The following ALMS1 variants were observed in gnomAD, a reference collection of about 807,000 sequenced individuals.
The protein encoded by ALMS1 is centrosome-associated protein ALMS1.
A neutral mutation model predicts 352.2 loss-of-function variants in ALMS1; 271 were observed. That is an observed-to-expected ratio of 0.77 (90% CI 0.70 to 0.85). The LOEUF is 0.85. ALMS1 is among the 40% of genes least tolerant of loss of function. The pLI is 0.00. For missense variants in ALMS1, 5,445 were observed against 4,870.7 expected (o/e 1.12, Z -3.51); for synonymous variants, 1,865 against 1,761.2 (o/e 1.06, Z -1.48).
chr2:73,542,072 GA>G (rs945244998), intron 12 of ALMS1, among the ~76,000 whole-genome samples: 17 of 152,054 alleles, frequency 1.1e-4, no homozygotes, highest in African/African-American at 4.1e-4. Context: ...CCAAAAAACA[GA>G]ATTTTAGACC....
intron 7 of ALMS1, among the ~76,000 whole-genome samples, chr2:73,435,028 A>C (rs1671580051): frequency 1.3e-5 from 2 of 152,092 alleles, no homozygotes; most frequent in East Asian, 1.9e-4. Context: ...TTTTGTTTTA[A>C]AGTCTGTTTT....
intron 9 of ALMS1, among the ~76,000 whole-genome samples, chr2:73,466,414 C>A (rs1046272587): frequency 7.0e-6 from 1 of 142,838 alleles, no homozygotes; most frequent in African/African-American, 2.6e-5. Context: ...TGTTCTCACT[C>A]ATAGGTGGGA....
intron 9 of ALMS1, among the ~76,000 whole-genome samples, chr2:73,484,252 C>G (rs1036637504): frequency 5.9e-5 from 9 of 151,578 alleles, no homozygotes; most frequent in Admixed American, 3.3e-4. Context: ...TTCAGGAGCT[C>G]TTTTAGGGCA....
chr2:73,456,875 T>C (rs1426277109), intron 9 of ALMS1: 1 of 152,218 alleles, frequency 6.6e-6, no homozygotes, highest in Non-Finnish European at 1.5e-5. Context: ...TGTTTCCCTA[T>C]TTTTAAAAAT....
Position 73,599,474 on chromosome 2 carries a change from T to C in ALMS1, c.11621T>C (p.Phe3874Ser), listed in dbSNP as rs764867644. Reference protein sequence around the residue: ...ASSFLSSNSTFCNKQNVHMLN... With the variant: ...ASSFLSSNSTSCNKQNVHMLN... ...AGTTTCCTGAGCTCAAACTCTACTT[T>C]TTGCAACAAGCAGAATGTACACATG... Residue 3874 changes from phenylalanine to serine, a missense_variant, in exon 17 of 23, where the codon TTT becomes TCT. By Grantham distance (155) the Phe-to-Ser change is radical. Coordinates refer to ENST00000613296, the MANE Select transcript of ALMS1 (RefSeq NM_001378454.1). 5 of 1,613,576 alleles carry C rather than the reference T, an allele frequency of 3.1e-6. No individual in the cohort carries two copies. The highest frequency in any genetic ancestry group is 2.5e-6 in the Non-Finnish European group (3 of 1,179,748).
chr2:73,563,279 G>A (rs1357589146), intron 15 of ALMS1, among the ~76,000 whole-genome samples: 1 of 152,068 alleles, frequency 6.6e-6, no homozygotes, highest in Non-Finnish European at 1.5e-5. Context: ...AGTTTTGCAG[G>A]AATTGAAGAG....
chr2:73,573,766 T>TC (rs1558700188), intron 16 of ALMS1, among the ~76,000 whole-genome samples: 1 of 146,824 alleles, frequency 6.8e-6, no homozygotes, highest in East Asian at 2.0e-4. Flanking sequence ...TTTTTTTTTT[T>TC]AATTCATTCC....
chr2:73,492,370 C>G (rs1673008759), intron 10 of ALMS1, among the ~76,000 whole-genome samples: 1 of 152,196 alleles, frequency 6.6e-6, no homozygotes, highest in African/African-American at 2.4e-5. Flanking sequence ...TAGTTCTCAT[C>G]ATGATCCTAT....
Position 73,449,984 on chromosome 2 carries a change from A to C in ALMS1, c.3457A>C (p.Ile1153Leu). The C allele has an allele frequency of 6.2e-7, 1 of 1,613,950 alleles. No homozygotes were observed. The highest frequency in any genetic ancestry group is 8.5e-7 in the Non-Finnish European group (1 of 1,179,942). Reference sequence around the variant, plus strand: ...CTCACAACATAGAGAAAAGCCCAGCATTTTCCACCAGCAGGCCTTGCCAGG... The same window carrying C: ...CTCACAACATAGAGAAAAGCCCAGCCTTTTCCACCAGCAGGCCTTGCCAGG... ...SYSQHREKPS[I>L]FHQQALPGTH... The change falls in exon 8 of 23, where the codon ATT becomes CTT. Residue 1153 changes from isoleucine to leucine, a missense_variant. Ile to Leu is a conservative substitution (Grantham distance 5). Transcript: ENST00000613296.
At chr2:73,420,406 A>G (rs1229280443) in intron 3 of ALMS1, among the ~76,000 whole-genome samples, 2 of 152,180 alleles carry the variant, frequency 1.3e-5, no homozygotes, top group Non-Finnish European at 2.9e-5. Context: ...TTTTTAAAGG[A>G]TTGTAAAAAC....
Position 73,448,386 on chromosome 2 carries a change from C to A in ALMS1, c.1859C>A (p.Thr620Asn), listed in dbSNP as rs1447523847. ...QTTGMSTLTS[T>N]SYSHREKPGT... Reference sequence around the variant, plus strand: ...ACTGGCATGTCAACTCTAACCTCTACTTCCTACTCACATAGAGAGAAGCCT... The same window carrying A: ...ACTGGCATGTCAACTCTAACCTCTAATTCCTACTCACATAGAGAGAAGCCT... The change falls in exon 8 of 23, where the codon ACT becomes AAT. Residue 620 changes from threonine to asparagine, a missense_variant. Transcript: ENST00000613296. The A allele has an allele frequency of 3.7e-6, 6 of 1,613,896 alleles. No individual in the cohort carries two copies. The Admixed American group carries it at 8.3e-5, about 22-fold the overall frequency.
intron 16 of ALMS1, among the ~76,000 whole-genome samples, chr2:73,595,209 T>G (rs570213154): frequency 1.3e-5 from 2 of 152,280 alleles, no homozygotes; most frequent in South Asian, 4.2e-4. Context: ...TTTCATCCAT[T>G]TTAAGTGTAC....
At chr2:73,587,535 C>T (rs368464673) in intron 16 of ALMS1, among the ~76,000 whole-genome samples, 13 of 152,128 alleles carry the variant, frequency 8.5e-5, no homozygotes, top group Non-Finnish European at 5.9e-5. Flanking sequence ...TTGAGATGAT[C>T]ATGTGATTTT....
At chr2:73,526,846 C>G (rs1272566344) in intron 11 of ALMS1, among the ~76,000 whole-genome samples, 1 of 152,098 alleles carries the variant, frequency 6.6e-6, no homozygotes, top group Non-Finnish European at 1.5e-5. Flanking sequence ...TTGTCATGTT[C>G]CACATCTTAG....
chr2:73,385,770 C>G (rs1031557637), upstream of ALMS1: 3 of 591,748 alleles, frequency 5.1e-6, no homozygotes, highest in Non-Finnish European at 8.9e-6. Context: ...GCGGGCGGCA[C>G]TGCGCCTAAG....
At chr2:73,478,966 T>A (rs750474014) in intron 9 of ALMS1, among the ~76,000 whole-genome samples, 1 of 152,158 alleles carries the variant, frequency 6.6e-6, no homozygotes, top group Non-Finnish European at 1.5e-5. Flanking sequence ...TGTGTTAGTT[T>A]GCTGAGAATG....
intron 1 of ALMS1, among the ~76,000 whole-genome samples, chr2:73,393,392 GT>G (rs573183638): frequency 0.036 from 5,267 of 146,312 alleles, 227 homozygotes; most frequent in Admixed American, 0.096. Flanking sequence ...ATCCAGCACT[GT>G]TTTTTTTTTT....
rs750128969 is a variant in ALMS1, at chr2:73,572,304, T to C, written c.10427T>C (p.Val3476Ala). The C allele has an allele frequency of 3.7e-6, 6 of 1,607,336 alleles. No homozygotes were observed. The African/African-American group carries it at 5.4e-5, about 14-fold the overall frequency. The part of the protein sequence containing the change: ...HSEFENTTRS[V>A]FRSAKFYIHH... ...GAATTTGAAAATACTACCCGTTCTG[T>C]CTTCAGGTCAGCAAAGTTTTACATT... Residue 3476 changes from valine (V) to alanine (A), a missense_variant, in exon 16 of 23, where the codon GTC (valine) becomes GCC (alanine). Transcript: ENST00000613296.
chr2:73,429,530 G>C (rs1221226302), intron 6 of ALMS1, among the ~76,000 whole-genome samples: 2 of 152,082 alleles, frequency 1.3e-5, no homozygotes, highest in Non-Finnish European at 2.9e-5. Context: ...TGATCCACCT[G>C]CCTCAGCCTC....
Sources: gnomAD v4.1 joint callset for allele counts (sites outside exome capture counted in the v4.1 genomes callset) on GRCh38, gnomAD v4.1.1 for gene constraint, MANE v1.5 for transcripts, NCBI Gene and HGNC (gene_info 2026-07-23, HGNC 2026-07-21) for gene names.